TPPP: variants seen among roughly 807,000 people sequenced by gnomAD.
The protein encoded by TPPP is tubulin polymerization-promoting protein.
Under a neutral mutation model 15.5 loss-of-function variants are expected in TPPP, and 6 were observed. The ratio of observed to expected loss-of-function variants is 0.39; its 90% confidence interval spans 0.21 to 0.77. TPPP has a LOEUF of 0.77. Ranked by LOEUF, TPPP falls within the 30% of genes least tolerant of loss-of-function variation. TPPP has a pLI of 0.42. For synonymous variants in TPPP, 146 were observed against 133.9 expected, an observed-to-expected ratio of 1.09 and a Z score of -0.63; for missense variants, 269 against 307.2, an observed-to-expected ratio of 0.88 and a Z score of 0.93.
chr5:694,009 G>C (rs1250694526), upstream of TPPP, among the ~76,000 whole-genome samples: 1 of 105,472 alleles, frequency 9.5e-6, no homozygotes, highest in Non-Finnish European at 2.2e-5. Context: ...GGAGTGGGCC[G>C]CCCTTCACGC....
intron 2 of TPPP, among the ~76,000 whole-genome samples, chr5:674,762 G>T (rs149871392): frequency 6.6e-6 from 1 of 151,906 alleles, no homozygotes; most frequent in East Asian, 2.0e-4. Flanking sequence ...TGTCCTCCAG[G>T]CAGAGGCTGC....
At chr5:695,496 T>G (rs142251859), upstream of TPPP, among the ~76,000 whole-genome samples, 24,566 of 145,570 alleles carry the variant, frequency 0.17, 2,272 homozygotes, top group East Asian at 0.31. Context: ...TTCCTGGGGA[T>G]CCTTAGAAAA....
intron 1 of TPPP, among the ~76,000 whole-genome samples, chr5:681,834 G>T (rs1334221147): frequency 2.0e-5 from 3 of 152,220 alleles, no homozygotes; most frequent in African/African-American, 7.2e-5. Context: ...TCAGAGTGGG[G>T]CAGGCAAAGG....
intron 1 of TPPP, among the ~76,000 whole-genome samples, chr5:679,242 C>T (rs1306079938): frequency 6.6e-6 from 1 of 152,148 alleles, no homozygotes; most frequent in African/African-American, 2.4e-5. Flanking sequence ...TCCCCCAAAA[C>T]AGCCAGAAAA....
chr5:668,446 G>A (rs59849604), intron 2 of TPPP, among the ~76,000 whole-genome samples: 2,347 of 109,660 alleles, frequency 0.021, 335 homozygotes, highest in African/African-American at 0.081. Flanking sequence ...TCAGGGAAGT[G>A]CGGACAAGCA....
chr5:677,755 C>G lies in TPPP; in HGVS notation c.306G>C (p.Lys102Asn). Residue 102 changes from lysine to asparagine, a missense_variant, in exon 2 of 4, where the codon AAG becomes AAC. Coordinates refer to ENST00000360578, the MANE Select transcript of TPPP (RefSeq NM_007030.3). The stretch of plus-strand genomic sequence containing the variant: ...CGTGAGCCCAGCGCACTCACTTGAT[C>G]TTGCTGAAGACGATGTCCACGTCAG... Reference protein sequence around the residue: ...TVTDVDIVFSKIKGKSCRTIT... With the variant: ...TVTDVDIVFSNIKGKSCRTIT... 6.4e-7 allele frequency: 1 copy of G among 1,562,686 alleles called. No individual in the cohort carries two copies. Among genetic ancestry groups the G allele is most frequent in the Non-Finnish European group, 8.7e-7 (1 of 1,151,946 alleles).
rs1739630111 is a variant in TPPP, at chr5:661,945, G to A, written c.*3157C>T. On this transcript the variant is annotated 3_prime_UTR_variant, in exon 4 of 4. Coordinates refer to ENST00000360578, the MANE Select transcript of TPPP (RefSeq NM_007030.3). ...CCTCTAACTCGTGGGCACCAACCCT[G>A]GAAGTGTGGAGGGAGAGTGGGGGCG... 6.6e-6 allele frequency: 1 copy of A among 152,430 alleles called. No homozygotes were observed. The highest frequency in any genetic ancestry group is 2.1e-4 in the South Asian group (1 of 4,836). 9.4% of individuals were successfully genotyped at this position (152,430 alleles called of 1,614,324 possible).
chr5:698,190 G>T (rs630529), upstream of TPPP, among the ~76,000 whole-genome samples: 2 of 151,338 alleles, frequency 1.3e-5, no homozygotes, highest in Non-Finnish European at 3.0e-5. Flanking sequence ...TCATATGACA[G>T]ATCCACAGCC....
intron 1 of TPPP, among the ~76,000 whole-genome samples, chr5:683,865 C>A (rs378018): frequency 0.76 from 110,908 of 145,852 alleles, 39,341 homozygotes; most frequent in African/African-American, 0.92. Context: ...GCAGATTCCC[C>A]TGCGGATACC....
intron 1 of TPPP, among the ~76,000 whole-genome samples, chr5:686,616 G>A (rs1446621164): frequency 1.4e-5 from 2 of 143,526 alleles, no homozygotes; most frequent in East Asian, 2.0e-4. Context: ...ACCTGTGAAC[G>A]CGACCTTGTT....
intron 1 of TPPP, chr5:692,885 C>G: frequency 1.1e-6 from 1 of 951,138 alleles, no homozygotes; most frequent in Non-Finnish European, 1.3e-6. Context: ...GCCCCCTAGG[C>G]CTGGGAATAG....
At chr5:684,571 T>C (rs1740716915) in intron 1 of TPPP, among the ~76,000 whole-genome samples, 1 of 132,526 alleles carries the variant, frequency 7.5e-6, no homozygotes, top group African/African-American at 3.2e-5. Flanking sequence ...AGCCCTCCTG[T>C]CCCACCAAGG....
At chr5:685,785 T>G (rs1740750287) in intron 1 of TPPP, among the ~76,000 whole-genome samples, 1 of 151,990 alleles carries the variant, frequency 6.6e-6, no homozygotes, top group African/African-American at 2.4e-5. Context: ...TGCACTCAGG[T>G]GTAGGGATGA....
intron 2 of TPPP, among the ~76,000 whole-genome samples, chr5:672,758 G>A (rs535629584): frequency 1.3e-5 from 2 of 152,354 alleles, no homozygotes; most frequent in South Asian, 2.1e-4. Context: ...GCCTGTGCAC[G>A]CTATGCCTCC....
upstream of TPPP, among the ~76,000 whole-genome samples, chr5:696,286 G>A (rs1016328597): frequency 7.8e-6 from 1 of 128,248 alleles, no homozygotes; most frequent in African/African-American, 3.0e-5. Context: ...GCTGAAGACA[G>A]AGGCACGGGG....
Position 666,093 on chromosome 5 carries a change from C to T in TPPP, c.342G>A (p.Glu114=). ...GCTCCTCCAGCGCCTCCTGGAACTG[C>T]TCAAAGGTGATGGTCCGGCAAGACT... ...KGKSCRTITF[E]QFQEALEELA... The change falls in exon 3 of 4, where the codon GAG becomes GAA. Residue 114 remains glutamate (E), a synonymous_variant. Coordinates refer to ENST00000360578, the MANE Select transcript of TPPP (RefSeq NM_007030.3). 6.2e-7 allele frequency: 1 copy of T among 1,612,094 alleles called. No individual in the cohort carries two copies.
chr5:682,641 C>T (rs1284388800), intron 1 of TPPP, among the ~76,000 whole-genome samples: 5 of 149,892 alleles, frequency 3.3e-5, no homozygotes, highest in Non-Finnish European at 6.0e-5. Flanking sequence ...AGGGGTCTGC[C>T]CCTTGGGCCT....
rs1439220651 is a variant in TPPP at position 677,938 on chromosome 5, C to G, written c.123G>C (p.Gly41=). Residue 41 remains glycine, a synonymous_variant, in exon 2 of 4, where the codon GGG becomes GGC. Coordinates refer to ENST00000360578, the MANE Select transcript of TPPP (RefSeq NM_007030.3). ...CACTGAGCTCAGGGGATGCGGCTGC[C>G]CCCTCACCAGCACCCTCCGATTCCA... ...LSLESEGAGE[G]AAASPELSAL... The G allele has an allele frequency of 6.2e-7, 1 of 1,612,178 alleles. No homozygotes were observed. Among genetic ancestry groups the G allele is most frequent in the South Asian group, 1.1e-5 (1 of 91,014 alleles).
chr5:673,405 G>A (rs1740289332), intron 2 of TPPP, among the ~76,000 whole-genome samples: 1 of 152,136 alleles, frequency 6.6e-6, no homozygotes, highest in Non-Finnish European at 1.5e-5. Flanking sequence ...GAGAGGAGGA[G>A]GTGGGGGCAG....
Sources: gnomAD v4.1 joint callset for allele counts (sites outside exome capture counted in the v4.1 genomes callset) on GRCh38, gnomAD v4.1.1 for gene constraint, MANE v1.5 for transcripts, NCBI Gene and HGNC (gene_info 2026-07-23, HGNC 2026-07-21) for gene names.